The following ATRNL1 variants were observed in gnomAD, a reference collection of about 807,000 sequenced individuals.
The protein encoded by ATRNL1 is attractin like 1, also known as attractin-like protein 1.
Under a neutral mutation model 182.7 loss-of-function variants are expected in ATRNL1, and 95 were observed. The ratio of observed to expected loss-of-function variants is 0.52; its 90% confidence interval spans 0.44 to 0.62. The LOEUF is 0.62. ATRNL1 is among the 20% of genes least tolerant of loss of function. ATRNL1 has a pLI of 0.00. For missense variants in ATRNL1, 1,471 were observed against 1,679.5 expected (o/e 0.88, Z 2.17); for synonymous variants, 576 against 568.3 (o/e 1.01, Z -0.19).
intron 26 of ATRNL1, among the ~76,000 whole-genome samples, chr10:115,604,384 A>G (rs965207956): frequency 2.6e-5 from 4 of 152,014 alleles, no homozygotes; most frequent in African/African-American, 9.7e-5. Flanking sequence ...TCTACTGAGT[A>G]CTCTGAATGA....
chr10:115,414,900 T>C (rs1435299675), intron 20 of ATRNL1, among the ~76,000 whole-genome samples: 1 of 152,072 alleles, frequency 6.6e-6, no homozygotes, highest in Admixed American at 6.5e-5. Context: ...TAGAGATGTA[T>C]AGTATTCCAT....
chr10:115,868,893 G>A (rs1175161628), intron 28 of ATRNL1, among the ~76,000 whole-genome samples: 3 of 125,208 alleles, frequency 2.4e-5, no homozygotes, highest in Non-Finnish European at 4.7e-5. Context: ...GCAGTGGCGC[G>A]ATCTCGGCTC....
At chr10:115,428,459 T>C (rs371052890) in intron 21 of ATRNL1, among the ~76,000 whole-genome samples, 4 of 152,072 alleles carry the variant, frequency 2.6e-5, no homozygotes, top group African/African-American at 7.2e-5. Flanking sequence ...AGTATTATTG[T>C]CTTGTTTCTG....
chr10:115,706,007 T>G (rs1946885082), intron 26 of ATRNL1, among the ~76,000 whole-genome samples: 1 of 151,960 alleles, frequency 6.6e-6, no homozygotes, highest in Non-Finnish European at 1.5e-5. Flanking sequence ...CGTCTTCCAC[T>G]TAGCTGTCAT....
chr10:115,897,319 C>T (rs1952232814), intron 28 of ATRNL1, among the ~76,000 whole-genome samples: 1 of 152,014 alleles, frequency 6.6e-6, no homozygotes, highest in Admixed American at 6.6e-5. Flanking sequence ...AATGGGCATG[C>T]TCATGCGTTG....
intron 28 of ATRNL1, among the ~76,000 whole-genome samples, chr10:115,918,711 G>C (rs1247903086): frequency 4.6e-5 from 7 of 152,164 alleles, no homozygotes; most frequent in Non-Finnish European, 8.8e-5. Flanking sequence ...TGGTCAAATT[G>C]TGTAGTATGG....
At chr10:115,622,400 T>C (rs1471251589) in intron 26 of ATRNL1, among the ~76,000 whole-genome samples, 1 of 152,220 alleles carries the variant, frequency 6.6e-6, no homozygotes, top group East Asian at 1.9e-4. Context: ...CTGTAACTCA[T>C]GTAGCAAGCT....
intron 25 of ATRNL1, among the ~76,000 whole-genome samples, chr10:115,532,044 G>A (rs1198502325): frequency 4.0e-5 from 6 of 151,076 alleles, no homozygotes; most frequent in Non-Finnish European, 8.9e-5. Flanking sequence ...TTGTAGTATA[G>A]TTTGAAGTCA....
At chr10:115,644,358 G>C (rs1462816947) in intron 26 of ATRNL1, among the ~76,000 whole-genome samples, 1 of 152,160 alleles carries the variant, frequency 6.6e-6, no homozygotes, top group Non-Finnish European at 1.5e-5. Context: ...ACTACGCACA[G>C]TGTGTACCAA....
At chr10:115,324,114 ACTCT>A (rs1406572807) in intron 18 of ATRNL1, among the ~76,000 whole-genome samples, 4 of 148,168 alleles carry the variant, frequency 2.7e-5, no homozygotes, top group African/African-American at 7.5e-5. Context: ...GTTTAAATCA[ACTCT>A]CTCTCTTTTT....
chr10:115,213,351 A>G (rs1331318084), intron 8 of ATRNL1, among the ~76,000 whole-genome samples: 2 of 151,992 alleles, frequency 1.3e-5, no homozygotes, highest in Admixed American at 1.3e-4. Context: ...ATTTACTGTA[A>G]GTAGTATTTG....
intron 26 of ATRNL1, among the ~76,000 whole-genome samples, chr10:115,558,224 T>C (rs566921500): frequency 6.6e-6 from 1 of 152,062 alleles, no homozygotes; most frequent in African/African-American, 2.4e-5. Context: ...AGCAGAGGAA[T>C]GAAATGCAGC....
intron 27 of ATRNL1, among the ~76,000 whole-genome samples, chr10:115,819,245 A>G (rs2960667): frequency 0.78 from 118,119 of 151,730 alleles, 46,132 homozygotes; most frequent in African/African-American, 0.84. Context: ...TCCCTTTGGC[A>G]TCTTAAATGA....
At chr10:115,664,477 T>A (rs1210784317) in intron 26 of ATRNL1, among the ~76,000 whole-genome samples, 46 of 152,198 alleles carry the variant, frequency 3.0e-4, no homozygotes, top group Non-Finnish European at 2.9e-5. Context: ...AGAAAATATT[T>A]GTGTTCAAGA....
chr10:115,809,201 A>G (rs1429207485), intron 27 of ATRNL1, among the ~76,000 whole-genome samples: 1 of 152,116 alleles, frequency 6.6e-6, no homozygotes, highest in Non-Finnish European at 1.5e-5. Context: ...GGTCTATCCT[A>G]ACACCAATCC....
intron 26 of ATRNL1, among the ~76,000 whole-genome samples, chr10:115,564,497 A>T (rs2133846814): frequency 6.6e-6 from 1 of 151,796 alleles, no homozygotes; most frequent in Non-Finnish European, 1.5e-5. Flanking sequence ...TTTCCTTGGC[A>T]ATTTGGTATT....
intron 17 of ATRNL1, 62 bp from the exon 18 acceptor site, chr10:115,315,456 C>A (rs908273263): frequency 1.8e-6 from 2 of 1,135,354 alleles, no homozygotes; most frequent in African/African-American, 1.5e-5. Context: ...TTTTTATTAG[C>A]CTATAATTCT....
At chr10:115,491,202 C>A (rs1318828835) in intron 24 of ATRNL1, among the ~76,000 whole-genome samples, 3 of 152,122 alleles carry the variant, frequency 2.0e-5, no homozygotes, top group Non-Finnish European at 4.4e-5. Flanking sequence ...AGTCATGATA[C>A]ACTGGGGGTC....
chr10:115,277,327 A>G (rs1446800455), intron 13 of ATRNL1, among the ~76,000 whole-genome samples: 6 of 152,092 alleles, frequency 3.9e-5, no homozygotes, highest in African/African-American at 1.4e-4. Context: ...ACTTTACAGT[A>G]AGTGTAAAAT....
Sources: gnomAD v4.1 joint callset for allele counts (sites outside exome capture counted in the v4.1 genomes callset) on GRCh38, gnomAD v4.1.1 for gene constraint, MANE v1.5 for transcripts, NCBI Gene and HGNC (gene_info 2026-07-23, HGNC 2026-07-21) for gene names.